Variants in SYT1 observed in about 807,000 individuals in gnomAD.
SYT1 encodes synaptotagmin 1, also known as synaptotagmin-1.
Under a neutral mutation model 44.8 loss-of-function variants are expected in SYT1, and 8 were observed. The observed-to-expected ratio is 0.18, with a 90% confidence interval of 0.10 to 0.32. The LOEUF (loss-of-function observed/expected upper bound fraction) is 0.32, where lower values mean the gene tolerates loss of function less well. Ranked by LOEUF, SYT1 falls within the 10% of genes least tolerant of loss-of-function variation. The probability of loss-of-function intolerance (pLI) is 1.00; values close to 1 mark genes in which losing one functional copy is unlikely to be tolerated. For synonymous variants in SYT1, 154 were observed against 188.8 expected (o/e 0.82, Z 1.51); for missense variants, 286 against 509.3 (o/e 0.56, Z 4.22).
At chr12:79,136,808 T>C (rs1869221880) in intron 3 of SYT1, among the ~76,000 whole-genome samples, 1 of 152,202 alleles carries the variant, frequency 6.6e-6, no homozygotes, top group South Asian at 2.1e-4. Flanking sequence ...GTGTTTTTCA[T>C]TAATTATAAT....
chr12:79,225,120 G>GAA (rs200287362), intron 4 of SYT1, among the ~76,000 whole-genome samples: 2 of 129,492 alleles, frequency 1.5e-5, no homozygotes, highest in Admixed American at 7.9e-5. Flanking sequence ...TGCTACAGTG[G>GAA]AAAAAAAAAA....
chr12:79,401,648 T>C (rs1885070888), intron 9 of SYT1, among the ~76,000 whole-genome samples: 1 of 151,300 alleles, frequency 6.6e-6, no homozygotes, highest in South Asian at 2.1e-4. Flanking sequence ...AGATAATAAT[T>C]AAAACTCAAC....
intron 1 of SYT1, among the ~76,000 whole-genome samples, chr12:78,921,790 T>C (rs887260088): frequency 1.1e-4 from 17 of 151,946 alleles, no homozygotes; most frequent in African/African-American, 3.6e-4. Flanking sequence ...TTGTCTGGTA[T>C]TTCTGCTATG....
At chr12:79,215,821 A>G (rs1489910411) in intron 3 of SYT1, among the ~76,000 whole-genome samples, 1 of 152,004 alleles carries the variant, frequency 6.6e-6, no homozygotes, top group Non-Finnish European at 1.5e-5. Context: ...AGATTTTAAT[A>G]AGAATCTTAT....
chr12:79,213,861 G>T (rs1436116373), intron 3 of SYT1, among the ~76,000 whole-genome samples: 1 of 152,218 alleles, frequency 6.6e-6, no homozygotes. Flanking sequence ...GATGGAAGTT[G>T]CAGTGAGCAG....
chr12:79,051,029 A>G (rs1874441766), intron 3 of SYT1, among the ~76,000 whole-genome samples: 1 of 151,870 alleles, frequency 6.6e-6, no homozygotes, highest in Non-Finnish European at 1.5e-5. Flanking sequence ...AAGCTCTTAT[A>G]TCTAGTGATA....
intron 3 of SYT1, among the ~76,000 whole-genome samples, chr12:79,092,017 G>A (rs1349642738): frequency 6.6e-6 from 1 of 151,854 alleles, no homozygotes; most frequent in Non-Finnish European, 1.5e-5. Context: ...CTTGAGGCTG[G>A]GAAGCCAATC....
At chr12:79,174,111 C>T (rs1295694184) in intron 3 of SYT1, among the ~76,000 whole-genome samples, 2 of 151,882 alleles carry the variant, frequency 1.3e-5, no homozygotes, top group African/African-American at 4.8e-5. Context: ...AGAGATAAAA[C>T]CCACACTATA....
intron 3 of SYT1, among the ~76,000 whole-genome samples, chr12:79,165,396 A>G (rs911500774): frequency 3.3e-5 from 5 of 151,974 alleles, no homozygotes; most frequent in African/African-American, 1.2e-4. Context: ...ATCCCAAATC[A>G]GATTTAGAAC....
At chr12:78,910,086 A>G (rs1246832580) in intron 1 of SYT1, among the ~76,000 whole-genome samples, 2 of 151,926 alleles carry the variant, frequency 1.3e-5, no homozygotes, top group African/African-American at 4.8e-5. Context: ...TACATTTCAT[A>G]TCTAGAAATA....
chr12:79,229,845 T>C (rs1402889247), intron 4 of SYT1, among the ~76,000 whole-genome samples: 1 of 152,110 alleles, frequency 6.6e-6, no homozygotes, highest in Non-Finnish European at 1.5e-5. Flanking sequence ...TCCACCCGCC[T>C]CAGCCTCCCA....
intron 8 of SYT1, among the ~76,000 whole-genome samples, chr12:79,350,990 C>T (rs1882874668): frequency 6.6e-6 from 1 of 152,164 alleles, no homozygotes; most frequent in Admixed American, 6.5e-5. Flanking sequence ...ATAAACTACA[C>T]ATTCAATTTG....
At chr12:79,098,385 A>G (rs1046970444) in intron 3 of SYT1, among the ~76,000 whole-genome samples, 10 of 152,096 alleles carry the variant, frequency 6.6e-5, no homozygotes, top group Admixed American at 5.9e-4. Context: ...ACTAGAAATG[A>G]AAAATCTCAA....
At chr12:79,011,507 GA>G (rs1871404955) in intron 2 of SYT1, among the ~76,000 whole-genome samples, 1 of 151,704 alleles carries the variant, frequency 6.6e-6, no homozygotes, top group Non-Finnish European at 1.5e-5. Flanking sequence ...AGAGAAAGTT[GA>G]AAAAAACTGT....
intron 10 of SYT1, 76 bp from the exon 11 acceptor site, chr12:79,448,842 G>A (rs1593076284): frequency 7.6e-7 from 1 of 1,313,892 alleles, no homozygotes; most frequent in East Asian, 2.3e-5. Context: ...CAATTCTTTA[G>A]CGCTCAAGGA....
intron 9 of SYT1, among the ~76,000 whole-genome samples, chr12:79,362,109 A>T (rs1883340804): frequency 6.6e-6 from 1 of 152,226 alleles, no homozygotes; most frequent in Non-Finnish European, 1.5e-5. Context: ...GAAGAAGTAG[A>T]AACAGGGAGT....
chr12:79,235,118 A>T (rs915539770), intron 4 of SYT1, among the ~76,000 whole-genome samples: 2 of 152,206 alleles, frequency 1.3e-5, no homozygotes, highest in African/African-American at 4.8e-5. Flanking sequence ...CTAAGTATAG[A>T]ATTACTATGT....
chr12:79,394,329 C>T (rs370813155), intron 9 of SYT1, among the ~76,000 whole-genome samples: 2 of 152,112 alleles, frequency 1.3e-5, no homozygotes, highest in Non-Finnish European at 2.9e-5. Context: ...AATAATATTG[C>T]TCTTACTGGG....
intron 9 of SYT1, among the ~76,000 whole-genome samples, chr12:79,373,269 T>G (rs988131251): frequency 6.6e-6 from 1 of 152,198 alleles, no homozygotes; most frequent in African/African-American, 2.4e-5. Flanking sequence ...GTTGATGATG[T>G]TCACCTATCA....
Sources: allele counts gnomAD v4.1 joint callset (sites outside exome capture counted in the v4.1 genomes callset), GRCh38; gene constraint gnomAD v4.1.1; transcripts MANE v1.5; gene names NCBI Gene and HGNC (gene_info 2026-07-23, HGNC 2026-07-21).